METTL16: variants seen among roughly 807,000 people sequenced by gnomAD.
METTL16 encodes the protein RNA N(6)-adenosine-methyltransferase METTL16.
A neutral mutation model predicts 57.9 loss-of-function variants in METTL16; 19 were observed. The ratio of observed to expected loss-of-function variants is 0.33; its 90% CI spans 0.23 to 0.48. The LOEUF is 0.48. METTL16 is among the 20% of genes least tolerant of loss of function. The probability of loss-of-function intolerance (pLI) is 0.99; values close to 1 mark genes in which losing one functional copy is unlikely to be tolerated. For missense variants in METTL16, 434 were observed against 691.5 expected (o/e 0.63, Z 4.18); for synonymous variants, 246 against 255.6 (o/e 0.96, Z 0.36).
chr17:2,473,939 G>C (rs1421174902), intron 3 of METTL16, among the ~76,000 whole-genome samples: 1 of 151,988 alleles, frequency 6.6e-6, no homozygotes, highest in Non-Finnish European at 1.5e-5. Flanking sequence ...GTATTTTTTG[G>C]CAGAGAAATC....
At chr17:2,451,248 C>G (rs950654164) in intron 6 of METTL16, among the ~76,000 whole-genome samples, 1 of 151,974 alleles carries the variant, frequency 6.6e-6, no homozygotes, top group African/African-American at 2.4e-5. Context: ...TAAACAAACC[C>G]CGGTAAAGTT....
At chr17:2,478,037 A>AC (rs2067279638) in intron 2 of METTL16, 152 bp from the exon 3 acceptor site, 1 of 625,476 alleles carries the variant, frequency 1.6e-6, no homozygotes, top group Non-Finnish European at 2.8e-6. Flanking sequence ...TGGCACATAC[A>AC]CGAGTGTTTC....
intron 4 of METTL16, among the ~76,000 whole-genome samples, chr17:2,468,158 C>CTG (rs2067214778): frequency 6.6e-6 from 1 of 152,228 alleles, no homozygotes; most frequent in Admixed American, 6.5e-5. Context: ...GTGTAGTAGG[C>CTG]TACACCATTC....
intron 6 of METTL16, among the ~76,000 whole-genome samples, chr17:2,442,728 T>C (rs1366814115): frequency 6.6e-6 from 1 of 152,134 alleles, no homozygotes; most frequent in Non-Finnish European, 1.5e-5. Flanking sequence ...TGAAGAGGTA[T>C]AGAACAACTT....
At position 2,502,127 on chromosome 17, in the gene METTL16, A is replaced by C. The variant is rs2151580110; in HGVS notation, c.128+77T>G. 5 of 1,462,822 alleles carry C rather than the reference A, an allele frequency of 3.4e-6. No homozygotes were observed. The East Asian group carries it at 1.1e-4, about 34-fold the overall frequency. 90.6% of individuals were successfully genotyped at this position (1,462,822 alleles called of 1,614,324 possible). A position where few individuals can be genotyped will look rare whatever the true frequency, so the allele number is the denominator to read the frequency against. Reference sequence around the variant, plus strand: ...GTTTAATCAAATGTCTAAGATTAACACTCAGGTGGGCTTTCTATTACATCA... The same window carrying C: ...GTTTAATCAAATGTCTAAGATTAACCCTCAGGTGGGCTTTCTATTACATCA... On this transcript the variant is annotated intron_variant, in intron 2 of 9. Transcript: ENST00000263092.
chr17:2,474,952 C>A (rs2067259793), intron 3 of METTL16, among the ~76,000 whole-genome samples: 1 of 151,966 alleles, frequency 6.6e-6, no homozygotes, highest in African/African-American at 2.4e-5. Flanking sequence ...CTATCTTGGC[C>A]AATTAGATCC....
chr17:2,432,007 C>G (rs778876949), intron 8 of METTL16, among the ~76,000 whole-genome samples: 4 of 151,886 alleles, frequency 2.6e-5, no homozygotes, highest in Non-Finnish European at 4.4e-5. Flanking sequence ...TGCAGTGGCA[C>G]GATCCTGGCT....
At chr17:2,494,549 T>C (rs1597470348) in intron 2 of METTL16, among the ~76,000 whole-genome samples, 1 of 152,162 alleles carries the variant, frequency 6.6e-6, no homozygotes, top group East Asian at 1.9e-4. Flanking sequence ...TCAGTGGTCT[T>C]TGTTTTTTGT....
chr17:2,507,850 T>G (rs1046871650), intron 1 of METTL16, among the ~76,000 whole-genome samples: 1 of 152,162 alleles, frequency 6.6e-6, no homozygotes. Context: ...CTCTCTGAAA[T>G]ATGTGCTGTG....
chr17:2,455,853 T>C (rs1229065394), intron 6 of METTL16, among the ~76,000 whole-genome samples: 2 of 152,024 alleles, frequency 1.3e-5, no homozygotes. Flanking sequence ...CATGGTGTTG[T>C]GCACGTATAG....
At chr17:2,503,748 G>T (rs1482103052) in intron 1 of METTL16, among the ~76,000 whole-genome samples, 2 of 151,200 alleles carry the variant, frequency 1.3e-5, no homozygotes, top group African/African-American at 2.4e-5. Flanking sequence ...ACAAAATACA[G>T]TATATCCATA....
intron 7 of METTL16, 83 bp from the exon 8 acceptor site, chr17:2,438,281 G>C: frequency 1.0e-6 from 1 of 977,110 alleles, no homozygotes; most frequent in Non-Finnish European, 1.7e-6. Flanking sequence ...GCCATATTAT[G>C]TTGATCCTTC....
In METTL16 at chr17:2,419,233, AC is replaced by A. The variant is rs1383013597; in HGVS notation, c.*736del. 1 of 156,520 alleles carries A rather than the reference AC, an allele frequency of 6.4e-6. No homozygotes were observed. Among genetic ancestry groups the A allele is most frequent in the Non-Finnish European group, 1.4e-5 (1 of 70,708 alleles). The allele number at this position is 156,520 out of a possible 1,614,324, so 9.7% of individuals were successfully genotyped here. ...CTTCAGATGTCCAAACAAAAATCAC[AC>A]AGTAGTAAAACTGCTACAAAATGGT... On this transcript the variant is annotated 3_prime_UTR_variant, in exon 10 of 10. Transcript: ENST00000263092.
intron 5 of METTL16, among the ~76,000 whole-genome samples, chr17:2,466,399 A>G (rs940197308): frequency 6.6e-6 from 1 of 152,206 alleles, no homozygotes; most frequent in African/African-American, 2.4e-5. Context: ...CAGCTTAAGA[A>G]CAAAAACAAC....
chr17:2,480,351 A>C (rs947863345), intron 2 of METTL16, among the ~76,000 whole-genome samples: 9 of 152,200 alleles, frequency 5.9e-5, no homozygotes, highest in African/African-American at 2.2e-4. Context: ...CTGACCTCTA[A>C]GAATGCTTCC....
intron 1 of METTL16, among the ~76,000 whole-genome samples, chr17:2,511,279 A>T (rs1298054360): frequency 6.6e-6 from 1 of 151,280 alleles, no homozygotes; most frequent in Admixed American, 6.6e-5. Context: ...TTGACCATTA[A>T]CCCTCTTCAA....
chr17:2,451,871 C>T (rs1251410018), intron 6 of METTL16, among the ~76,000 whole-genome samples: 3 of 151,926 alleles, frequency 2.0e-5, no homozygotes, highest in African/African-American at 4.8e-5. Flanking sequence ...ACTGGCTTGG[C>T]GTGGTGGCTC....
At chr17:2,428,236 C>T (rs557679357) in intron 8 of METTL16, among the ~76,000 whole-genome samples, 1 of 151,776 alleles carries the variant, frequency 6.6e-6, no homozygotes, top group Admixed American at 6.6e-5. Context: ...ACCAGATCTC[C>T]TGGGAGAAAT....
rs565464362 is a variant in METTL16, at chr17:2,449,111, A to T, written c.729-7552T>A. Among the ~76,000 whole-genome samples the T allele has an allele frequency of 2.6e-5, 4 of 152,282 alleles. No individual in the cohort carries two copies. In the East Asian group the frequency reaches 5.8e-4, roughly 22 times the overall value. On this transcript the variant is annotated intron_variant, in intron 6 of 9. Coordinates refer to ENST00000263092, the MANE Select transcript of METTL16 (RefSeq NM_024086.4). ...ATACCTAACTAGAAATTAAAATTTT[A>T]AAATGCCATTTACGGTAGCATGAAA...
Sources: gnomAD v4.1 joint callset for allele counts (sites outside exome capture counted in the v4.1 genomes callset) on GRCh38, gnomAD v4.1.1 for gene constraint, MANE v1.5 for transcripts, NCBI Gene and HGNC (gene_info 2026-07-23, HGNC 2026-07-21) for gene names.